KCNIP4: variants seen among roughly 807,000 people sequenced by gnomAD.
KCNIP4 encodes Kv channel-interacting protein 4.
In KCNIP4, 12 loss-of-function variants were observed where a neutral mutation model predicts 34.0. The observed-to-expected ratio is 0.35, with a 90% CI of 0.23 to 0.57. The LOEUF is 0.57. Among genes scored for constraint, KCNIP4 ranks in the 20% least tolerant of loss-of-function variants. The pLI is 0.83. For synonymous variants in KCNIP4, 124 were observed against 102.2 expected, an observed-to-expected ratio of 1.21 and a Z score of -1.29; for missense variants, 238 against 311.7, an observed-to-expected ratio of 0.76 and a Z score of 1.78.
At chr4:21,888,971 T>C (rs145567055) in intron 1 of KCNIP4, among the ~76,000 whole-genome samples, 1 of 152,268 alleles carries the variant, frequency 6.6e-6, no homozygotes, top group African/African-American at 2.4e-5. Context: ...AATTCAAAAC[T>C]TTTTGAGCAT....
chr4:21,829,440 G>A (rs547081416), intron 1 of KCNIP4, among the ~76,000 whole-genome samples: 31 of 152,020 alleles, frequency 2.0e-4, no homozygotes, highest in Non-Finnish European at 4.3e-4. Flanking sequence ...TAAGGTATAA[G>A]GGTAACTAGT....
At chr4:21,735,940 T>C (rs2109119814) in intron 1 of KCNIP4, among the ~76,000 whole-genome samples, 1 of 152,280 alleles carries the variant, frequency 6.6e-6, no homozygotes, top group Non-Finnish European at 1.5e-5. Flanking sequence ...GACTGCATTT[T>C]TCAGTCCCCT....
chr4:20,866,459 C>G (rs1294865142), intron 2 of KCNIP4, among the ~76,000 whole-genome samples: 1 of 152,040 alleles, frequency 6.6e-6, no homozygotes, highest in Non-Finnish European at 1.5e-5. Flanking sequence ...ACCCTATATC[C>G]TTTTATGATA....
At chr4:20,984,404 T>G (rs918585872) in intron 1 of KCNIP4, among the ~76,000 whole-genome samples, 1 of 152,198 alleles carries the variant, frequency 6.6e-6, no homozygotes, top group Non-Finnish European at 1.5e-5. Flanking sequence ...GGCCCCTTTT[T>G]GCCAAAGCTG....
chr4:20,756,358 G>T (rs73802311), intron 4 of KCNIP4, among the ~76,000 whole-genome samples: 1 of 151,968 alleles, frequency 6.6e-6, no homozygotes, highest in Non-Finnish European at 1.5e-5. Flanking sequence ...CTATCCCATC[G>T]CATCACTATC....
At chr4:21,814,865 C>T (rs1004278792) in intron 1 of KCNIP4, among the ~76,000 whole-genome samples, 18 of 152,112 alleles carry the variant, frequency 1.2e-4, no homozygotes, top group Admixed American at 1.1e-3. Flanking sequence ...CCTGATATGA[C>T]AGAAACAATT....
chr4:21,281,160 C>T (rs1762753228), intron 1 of KCNIP4, among the ~76,000 whole-genome samples: 1 of 148,448 alleles, frequency 6.7e-6, no homozygotes, highest in African/African-American at 2.5e-5. Context: ...GATCTTGGCT[C>T]ACCACAACAT....
chr4:20,862,666 T>C (rs1179752370), intron 2 of KCNIP4, among the ~76,000 whole-genome samples: 5 of 152,156 alleles, frequency 3.3e-5, no homozygotes. Context: ...GACACACATA[T>C]GTGTATGTTC....
chr4:21,613,466 A>C (rs1225231006), intron 1 of KCNIP4: 5 of 152,104 alleles, frequency 3.3e-5, no homozygotes, highest in Middle Eastern at 3.4e-3. Flanking sequence ...ATGAATGCAG[A>C]CTCTCTAAAG....
At chr4:21,376,371 T>A (rs1334719783) in intron 1 of KCNIP4, among the ~76,000 whole-genome samples, 1 of 146,542 alleles carries the variant, frequency 6.8e-6, no homozygotes, top group Non-Finnish European at 1.5e-5. Context: ...GATCCGAGAT[T>A]TGGATGCTAG....
intron 2 of KCNIP4, among the ~76,000 whole-genome samples, chr4:20,852,155 C>T (rs1721103550): frequency 7.6e-6 from 1 of 130,982 alleles, no homozygotes; most frequent in Non-Finnish European, 1.8e-5. Flanking sequence ...ATAACAAAAC[C>T]AGCAAATGAC....
chr4:21,627,416 C>T (rs886602641), intron 1 of KCNIP4, among the ~76,000 whole-genome samples: 3 of 152,110 alleles, frequency 2.0e-5, no homozygotes, highest in Non-Finnish European at 2.9e-5. Context: ...ACCCAAAAAA[C>T]TGTTAATCCT....
chr4:21,590,974 T>A (rs1742164754), intron 1 of KCNIP4, among the ~76,000 whole-genome samples: 1 of 151,970 alleles, frequency 6.6e-6, no homozygotes, highest in African/African-American at 2.4e-5. Context: ...TACTTAGAAA[T>A]GGGTAAAACA....
chr4:21,670,752 T>G (rs1430488048), intron 1 of KCNIP4, among the ~76,000 whole-genome samples: 1 of 151,920 alleles, frequency 6.6e-6, no homozygotes, highest in African/African-American at 2.4e-5. Flanking sequence ...GCCTCCCGGG[T>G]TCAGGCCATT....
intron 1 of KCNIP4, among the ~76,000 whole-genome samples, chr4:21,720,522 T>C (rs970520970): frequency 9.4e-6 from 1 of 106,308 alleles, no homozygotes; most frequent in African/African-American, 5.1e-5. Flanking sequence ...CCCCATTCTG[T>C]TTTTTTTCTT....
intron 1 of KCNIP4, among the ~76,000 whole-genome samples, chr4:21,137,805 C>T (rs1362599631): frequency 1.3e-5 from 2 of 150,022 alleles, no homozygotes; most frequent in African/African-American, 2.5e-5. Context: ...ATTATGAACA[C>T]GTTTAGAAAT....
At chr4:21,238,487 T>TCTCAG (rs1759545752) in intron 1 of KCNIP4, among the ~76,000 whole-genome samples, 1 of 152,214 alleles carries the variant, frequency 6.6e-6, no homozygotes, top group African/African-American at 2.4e-5. Flanking sequence ...AACCTCATCG[T>TCTCAG]CTCAGCTCAA....
At chr4:21,293,517 C>T (rs1763662056) in intron 1 of KCNIP4, among the ~76,000 whole-genome samples, 1 of 152,148 alleles carries the variant, frequency 6.6e-6, no homozygotes, top group African/African-American at 2.4e-5. Context: ...ATAATCCCAT[C>T]CTAATTGTGT....
At chr4:21,331,036 T>C (rs1715581661) in intron 1 of KCNIP4, among the ~76,000 whole-genome samples, 1 of 152,202 alleles carries the variant, frequency 6.6e-6, no homozygotes, top group Admixed American at 6.6e-5. Context: ...CTATTGACTG[T>C]TTCCCAGTCC....
Sources: allele counts gnomAD v4.1 joint callset (sites outside exome capture counted in the v4.1 genomes callset), GRCh38; gene constraint gnomAD v4.1.1; transcripts MANE v1.5; gene names NCBI Gene and HGNC (gene_info 2026-07-23, HGNC 2026-07-21).